The following GRXCR1 variants were observed in gnomAD, a reference collection of about 807,000 sequenced individuals.
GRXCR1 encodes the protein glutaredoxin and cysteine rich domain containing 1.
GRXCR1 carries 27 observed loss-of-function variants against 27.3 expected under a neutral mutation model. The ratio of observed to expected loss-of-function variants is 0.99; its 90% CI spans 0.73 to 1.37. The LOEUF is 1.37. GRXCR1 is among the 40% of genes most tolerant of loss of function. The probability of loss-of-function intolerance (pLI) is 0.00; values close to 1 mark genes in which losing one functional copy is unlikely to be tolerated. For missense variants in GRXCR1, 379 were observed against 354.4 expected (o/e 1.07, Z -0.56); for synonymous variants, 122 against 131.1 (o/e 0.93, Z 0.47).
intron 2 of GRXCR1, among the ~76,000 whole-genome samples, chr4:42,971,240 C>T (rs1324106414): frequency 6.6e-6 from 1 of 152,118 alleles, no homozygotes; most frequent in Non-Finnish European, 1.5e-5. Flanking sequence ...CAAACTTTCC[C>T]ATATCTTTCT....
intron 2 of GRXCR1, among the ~76,000 whole-genome samples, chr4:42,982,027 T>A (rs1325869145): frequency 6.6e-6 from 1 of 151,342 alleles, no homozygotes; most frequent in African/African-American, 2.4e-5. Context: ...TAAAGAGGCT[T>A]TCCACCCCTT....
At chr4:42,947,695 C>T (rs1747780579) in intron 1 of GRXCR1, among the ~76,000 whole-genome samples, 1 of 152,172 alleles carries the variant, frequency 6.6e-6, no homozygotes, top group South Asian at 2.1e-4. Flanking sequence ...CAAGCAGAGT[C>T]TGCTTTCCTT....
At chr4:42,960,517 A>G (rs1044912466) in intron 1 of GRXCR1, among the ~76,000 whole-genome samples, 7 of 151,872 alleles carry the variant, frequency 4.6e-5, no homozygotes, top group African/African-American at 1.7e-4. Context: ...TTATGTCATC[A>G]ATTACACTGA....
intron 2 of GRXCR1, among the ~76,000 whole-genome samples, chr4:43,003,508 G>T (rs1712453644): frequency 6.6e-6 from 1 of 152,128 alleles, no homozygotes; most frequent in South Asian, 2.1e-4. Flanking sequence ...CTTGTTGAAT[G>T]GTTGTGATCA....
At chr4:42,904,881 A>G (rs570122215) in intron 1 of GRXCR1, among the ~76,000 whole-genome samples, 4 of 152,304 alleles carry the variant, frequency 2.6e-5, no homozygotes, top group Non-Finnish European at 5.9e-5. Context: ...TCAAGAGCTT[A>G]TTAAGGAACA....
intron 1 of GRXCR1, among the ~76,000 whole-genome samples, chr4:42,936,074 G>T (rs751617569): frequency 2.0e-5 from 3 of 151,888 alleles, no homozygotes; most frequent in Non-Finnish European, 4.4e-5. Context: ...ATGCTCTGGA[G>T]ACTTGTAGTC....
chr4:42,999,779 A>C (rs1225709769), intron 2 of GRXCR1, among the ~76,000 whole-genome samples: 1 of 152,248 alleles, frequency 6.6e-6, no homozygotes, highest in Non-Finnish European at 1.5e-5. Context: ...CAGTATCTAA[A>C]AAGTAGACAA....
chr4:42,934,175 AAAACAT>A (rs1241518776), intron 1 of GRXCR1, among the ~76,000 whole-genome samples: 1 of 151,624 alleles, frequency 6.6e-6, no homozygotes, highest in Non-Finnish European at 1.5e-5. Flanking sequence ...CAGTTAACTG[AAAACAT>A]AAGTTTTGTG....
At chr4:43,021,224 T>C (rs1034653235) in intron 3 of GRXCR1, among the ~76,000 whole-genome samples, 1 of 152,208 alleles carries the variant, frequency 6.6e-6, no homozygotes, top group Non-Finnish European at 1.5e-5. Flanking sequence ...TCATGCTTTC[T>C]TACTACTATC....
At chr4:42,945,245 C>T (rs78534043) in intron 1 of GRXCR1, among the ~76,000 whole-genome samples, 4,853 of 152,182 alleles carry the variant, frequency 0.032, 89 homozygotes, top group South Asian at 0.058. Context: ...TTATAAGTCA[C>T]CCAGTTTAGG....
chr4:42,909,298 C>T (rs1746665312), intron 1 of GRXCR1, among the ~76,000 whole-genome samples: 1 of 152,158 alleles, frequency 6.6e-6, no homozygotes, highest in South Asian at 2.1e-4. Context: ...TCGAAATGGG[C>T]CTTGGTGGCA....
intron 1 of GRXCR1, among the ~76,000 whole-genome samples, chr4:42,910,306 A>G (rs1362157445): frequency 6.6e-6 from 1 of 152,212 alleles, no homozygotes; most frequent in Non-Finnish European, 1.5e-5. Context: ...CACAACGTGT[A>G]TTGATTACTG....
At chr4:42,983,603 G>T (rs1332167289) in intron 2 of GRXCR1, among the ~76,000 whole-genome samples, 3 of 152,016 alleles carry the variant, frequency 2.0e-5, no homozygotes, top group Non-Finnish European at 4.4e-5. Flanking sequence ...AAAGTCATTG[G>T]TAGCTTGATG....
chr4:42,939,053 A>C (rs1747534283), intron 1 of GRXCR1, among the ~76,000 whole-genome samples: 2 of 152,036 alleles, frequency 1.3e-5, no homozygotes, highest in Non-Finnish European at 1.5e-5. Flanking sequence ...GAATGTCATC[A>C]GTATTTTGAT....
intron 1 of GRXCR1, among the ~76,000 whole-genome samples, chr4:42,955,867 TG>T (rs1000284745): frequency 1.3e-5 from 2 of 152,120 alleles, no homozygotes; most frequent in Admixed American, 6.5e-5. Context: ...AGACATAGCT[TG>T]AAATAACCCA....
chr4:42,945,457 C>G (rs182611154), intron 1 of GRXCR1, among the ~76,000 whole-genome samples: 111 of 152,204 alleles, frequency 7.3e-4, no homozygotes, highest in African/African-American at 2.6e-3. Flanking sequence ...TTCTTCTTTC[C>G]TTCTTTTCTT....
chr4:42,907,825 C>T (rs1020564221), intron 1 of GRXCR1, among the ~76,000 whole-genome samples: 9 of 152,090 alleles, frequency 5.9e-5, no homozygotes, highest in Admixed American at 2.6e-4. Flanking sequence ...GGAAAAGCTC[C>T]GTTCTGGGAT....
At chr4:43,018,356 A>G (rs977554486) in intron 2 of GRXCR1, among the ~76,000 whole-genome samples, 4 of 152,162 alleles carry the variant, frequency 2.6e-5, no homozygotes, top group African/African-American at 9.7e-5. Context: ...AACCTTAAGC[A>G]CTCATTACAC....
intron 3 of GRXCR1, among the ~76,000 whole-genome samples, chr4:43,028,607 T>C (rs1713329255): frequency 6.6e-6 from 1 of 152,258 alleles, no homozygotes; most frequent in Non-Finnish European, 1.5e-5. Context: ...ATCTACATTA[T>C]ATTCTTTCTA....
Sources: gnomAD v4.1 joint callset for allele counts (sites outside exome capture counted in the v4.1 genomes callset) on GRCh38, gnomAD v4.1.1 for gene constraint, MANE v1.5 for transcripts, NCBI Gene and HGNC (gene_info 2026-07-23, HGNC 2026-07-21) for gene names.